EPHA3: variants seen among roughly 807,000 people sequenced by gnomAD.
The protein encoded by EPHA3 is ephrin type-A receptor 3.
Under a neutral mutation model 107.1 loss-of-function variants are expected in EPHA3, and 42 were observed. That is an observed-to-expected ratio of 0.39 (90% CI 0.31 to 0.51). The LOEUF (loss-of-function observed/expected upper bound fraction) is 0.51. EPHA3 is among the 20% of genes least tolerant of loss of function. The pLI is 0.78. For missense variants in EPHA3, 1,183 were observed against 1,211.2 expected, an observed-to-expected ratio of 0.98 and a Z score of 0.35; for synonymous variants, 461 against 424.8, an observed-to-expected ratio of 1.09 and a Z score of -1.05.
At chr3:89,150,294 T>C (rs1316013620) in intron 2 of EPHA3, among the ~76,000 whole-genome samples, 7 of 152,082 alleles carry the variant, frequency 4.6e-5, no homozygotes, top group African/African-American at 2.4e-5. Flanking sequence ...ATTCAAATTT[T>C]AAGCTAGAAG....
chr3:89,214,607 T>A (rs1441350752), intron 3 of EPHA3, among the ~76,000 whole-genome samples: 1 of 151,968 alleles, frequency 6.6e-6, no homozygotes, highest in Non-Finnish European at 1.5e-5. Context: ...AAGAGACATT[T>A]TTTTTGTTCA....
At chr3:89,398,375 A>G (rs1317984335) in intron 6 of EPHA3, among the ~76,000 whole-genome samples, 4 of 152,176 alleles carry the variant, frequency 2.6e-5, no homozygotes, top group Non-Finnish European at 4.4e-5. Context: ...ACACAAAGAG[A>G]CCACTAAAAT....
At position 89,364,448 on chromosome 3, in the gene EPHA3, T is replaced by A. The variant is rs550345316; in HGVS notation, c.1306+22358T>A. 8.2e-4 allele frequency among the ~76,000 whole-genome samples: 124 copies of A among 151,108 alleles called. 1 individual carries two copies. Among genetic ancestry groups the A allele is most frequent in the African/African-American group, 2.9e-3 (120 of 41,436 alleles). On this transcript the variant is annotated intron_variant, in intron 5 of 16. Transcript: ENST00000336596. ...ACAGATGAATCTGGTCAACAAGCAC[T>A]TGGGAAGTTCTTAGGAAGAAAAACT...
At chr3:89,417,615 A>G (rs1273189598) in intron 10 of EPHA3, among the ~76,000 whole-genome samples, 1 of 151,376 alleles carries the variant, frequency 6.6e-6, no homozygotes, top group Non-Finnish European at 1.5e-5. Context: ...TCATATCTAA[A>G]TGGCATATTC....
chr3:89,368,904 T>G (rs1454295809), intron 5 of EPHA3, among the ~76,000 whole-genome samples: 1 of 150,582 alleles, frequency 6.6e-6, no homozygotes, highest in Non-Finnish European at 1.5e-5. Context: ...TTAACCTTCA[T>G]AGTTAGCAAC....
At chr3:89,137,303 AC>A (rs1160666403) in intron 2 of EPHA3, among the ~76,000 whole-genome samples, 2 of 152,010 alleles carry the variant, frequency 1.3e-5, no homozygotes, top group Non-Finnish European at 2.9e-5. Flanking sequence ...TCATTCCATT[AC>A]GTGTAAAACA....
At chr3:89,285,577 T>C (rs370364377) in intron 3 of EPHA3, among the ~76,000 whole-genome samples, 4 of 152,144 alleles carry the variant, frequency 2.6e-5, no homozygotes, top group East Asian at 1.9e-4. Context: ...CCTGAAAGAA[T>C]TGAGTGGGCA....
chr3:89,246,170 A>C (rs1308256479), intron 3 of EPHA3, among the ~76,000 whole-genome samples: 14 of 152,274 alleles, frequency 9.2e-5, no homozygotes, highest in African/African-American at 3.4e-4. Context: ...CACCTTCTGC[A>C]TTTTAGATTA....
chr3:89,108,936 C>T (rs1474687322), intron 1 of EPHA3, among the ~76,000 whole-genome samples: 1 of 152,162 alleles, frequency 6.6e-6, no homozygotes, highest in Admixed American at 6.5e-5. Context: ...GATGTGCAAA[C>T]ATCATGTTAT....
At chr3:89,210,594 T>A (rs1374327182) in intron 3 of EPHA3, 74 bp downstream of exon 3, 15 of 1,445,782 alleles carry the variant, frequency 1.0e-5, no homozygotes, top group Non-Finnish European at 9.2e-7. Context: ...TTAAATGAAA[T>A]GCACTCAGTC....
At chr3:89,456,191 C>T (rs1380930588) in intron 15 of EPHA3, among the ~76,000 whole-genome samples, 1 of 152,120 alleles carries the variant, frequency 6.6e-6, no homozygotes, top group Non-Finnish European at 1.5e-5. Flanking sequence ...AAGCAAAATT[C>T]TGCATGTGTA....
chr3:89,314,566 C>T (rs749753217), intron 3 of EPHA3, among the ~76,000 whole-genome samples: 10 of 151,806 alleles, frequency 6.6e-5, no homozygotes, highest in Non-Finnish European at 7.4e-5. Context: ...GCCTCATTTC[C>T]AGAGCCTGGT....
chr3:89,133,224 G>A (rs767419798), intron 2 of EPHA3, among the ~76,000 whole-genome samples: 70 of 152,084 alleles, frequency 4.6e-4, no homozygotes, highest in Non-Finnish European at 9.0e-4. Context: ...GTCTCAGCAG[G>A]CACCTCTTCT....
chr3:89,136,710 T>C (rs1273576682), intron 2 of EPHA3, among the ~76,000 whole-genome samples: 1 of 151,928 alleles, frequency 6.6e-6, no homozygotes, highest in Non-Finnish European at 1.5e-5. Flanking sequence ...CCAGCTTTAC[T>C]CATGAATTCA....
At chr3:89,343,082 G>C (rs1416539531) in intron 5 of EPHA3, among the ~76,000 whole-genome samples, 2 of 152,152 alleles carry the variant, frequency 1.3e-5, no homozygotes, top group African/African-American at 4.8e-5. Flanking sequence ...TCCCTAGTGG[G>C]AATCACCCCT....
intron 3 of EPHA3, among the ~76,000 whole-genome samples, chr3:89,309,269 C>G (rs370377607): frequency 2.0e-5 from 3 of 151,950 alleles, no homozygotes; most frequent in African/African-American, 7.2e-5. Context: ...ATTTTCAAGA[C>G]GAAAACTTAA....
chr3:89,158,828 A>C (rs1704860504), intron 2 of EPHA3, among the ~76,000 whole-genome samples: 1 of 152,128 alleles, frequency 6.6e-6, no homozygotes, highest in Admixed American at 6.6e-5. Context: ...AATTAGTTCT[A>C]TTTGAAAGGA....
At chr3:89,358,095 A>G (rs1708005458) in intron 5 of EPHA3, among the ~76,000 whole-genome samples, 1 of 151,208 alleles carries the variant, frequency 6.6e-6, no homozygotes, top group Non-Finnish European at 1.5e-5. Context: ...AGAAATAATA[A>G]AGTTATAGAA....
intron 2 of EPHA3, among the ~76,000 whole-genome samples, chr3:89,168,182 A>G (rs769540330): frequency 3.9e-5 from 6 of 152,166 alleles, no homozygotes; most frequent in Non-Finnish European, 8.8e-5. Context: ...CATAACTGCT[A>G]TTTTTGGCTT....
Sources: allele counts gnomAD v4.1 joint callset (sites outside exome capture counted in the v4.1 genomes callset), GRCh38; gene constraint gnomAD v4.1.1; transcripts MANE v1.5; gene names NCBI Gene and HGNC (gene_info 2026-07-23, HGNC 2026-07-21).